Variants in NCAPD3 observed in about 807,000 individuals in gnomAD.
The protein encoded by NCAPD3 is condensin-2 complex subunit D3.
Under a neutral mutation model 182.9 loss-of-function variants are expected in NCAPD3, and 105 were observed. The ratio of observed to expected loss-of-function variants is 0.57; its 90% CI spans 0.49 to 0.68. NCAPD3 has a LOEUF of 0.68. Among genes scored for constraint, NCAPD3 ranks in the 30% least tolerant of loss-of-function variants. The pLI is 0.00. For synonymous variants in NCAPD3, 815 were observed against 679.9 expected (o/e 1.20, Z -3.09); for missense variants, 1,944 against 1,837.0 (o/e 1.06, Z -1.07).
intron 24 of NCAPD3, among the ~76,000 whole-genome samples, chr11:134,172,071 C>G (rs1944019386): frequency 6.6e-6 from 1 of 152,154 alleles, no homozygotes; most frequent in African/African-American, 2.4e-5. Context: ...TGTTCTGACA[C>G]TGGAAGACAG....
upstream of NCAPD3, chr11:134,225,055 C>CAAA: frequency 6.7e-7 from 1 of 1,482,856 alleles, no homozygotes; most frequent in Non-Finnish European, 9.1e-7. Context: ...GCCTTCTTTA[C>CAAA]CTAGGGCAGC....
chr11:134,167,784 G>T (rs911498999), intron 27 of NCAPD3, among the ~76,000 whole-genome samples: 2 of 142,942 alleles, frequency 1.4e-5, no homozygotes, highest in Admixed American at 6.9e-5. Context: ...ATGAGCTTGG[G>T]GGAGGTGCAC....
At chr11:134,166,714 G>A (rs1227612698) in intron 27 of NCAPD3, among the ~76,000 whole-genome samples, 1 of 125,018 alleles carries the variant, frequency 8.0e-6, no homozygotes, top group Non-Finnish European at 1.7e-5. Context: ...AGCTTAGGGA[G>A]AGCAGCACAC....
intron 27 of NCAPD3, among the ~76,000 whole-genome samples, chr11:134,165,946 TGA>T (rs1943775654): frequency 9.6e-6 from 1 of 104,140 alleles, no homozygotes; most frequent in Non-Finnish European, 1.9e-5. Flanking sequence ...CACTCACTTG[TGA>T]GATGAGCTTG....
intron 32 of NCAPD3, 145 bp from the exon 33 acceptor site, chr11:134,153,508 C>T (rs971451833): frequency 2.5e-6 from 2 of 801,294 alleles, no homozygotes; most frequent in Non-Finnish European, 4.3e-6. Flanking sequence ...TGTCCCAGGG[C>T]CTGGCAGTGT....
At chr11:134,189,418 C>T (rs745984978) in intron 16 of NCAPD3, among the ~76,000 whole-genome samples, 3 of 152,140 alleles carry the variant, frequency 2.0e-5, no homozygotes, top group African/African-American at 2.4e-5. Flanking sequence ...ACACATTTAA[C>T]GTTACACATT....
At chr11:134,212,568 T>G (rs1937878378) in intron 3 of NCAPD3, among the ~76,000 whole-genome samples, 1 of 152,116 alleles carries the variant, frequency 6.6e-6, no homozygotes, top group Non-Finnish European at 1.5e-5. Flanking sequence ...TTTGTTTTCT[T>G]TTTTGGTAGA....
intron 27 of NCAPD3, among the ~76,000 whole-genome samples, chr11:134,164,175 G>A (rs1943684273): frequency 1.3e-5 from 2 of 152,168 alleles, no homozygotes; most frequent in South Asian, 2.1e-4. Flanking sequence ...GCCTGTGGCA[G>A]CCAAGCTCTG....
intron 20 of NCAPD3, among the ~76,000 whole-genome samples, chr11:134,179,588 GCT>G (rs1944250231): frequency 2.0e-5 from 3 of 152,144 alleles, no homozygotes; most frequent in African/African-American, 4.8e-5. Context: ...CTTAGATACT[GCT>G]CTCTTTCCTC....
At chr11:134,203,310 T>C in intron 11 of NCAPD3, 112 bp from the exon 12 acceptor site, 1 of 826,202 alleles carries the variant, frequency 1.2e-6, no homozygotes, top group Non-Finnish European at 2.0e-6. Context: ...GCAGACAGAT[T>C]CTAAATTGCT....
At chr11:134,198,720 A>C (rs774739762) in intron 13 of NCAPD3, among the ~76,000 whole-genome samples, 2 of 152,228 alleles carry the variant, frequency 1.3e-5, no homozygotes, top group Non-Finnish European at 2.9e-5. Flanking sequence ...AGGAATCCAC[A>C]AAACAATCAT....
intron 23 of NCAPD3, among the ~76,000 whole-genome samples, chr11:134,176,804 G>A (rs1210308721): frequency 2.6e-5 from 4 of 152,126 alleles, no homozygotes; most frequent in Admixed American, 6.5e-5. Flanking sequence ...TTCCGCACAC[G>A]GAAACGTCCC....
At position 134,214,384 on chromosome 11, in the gene NCAPD3, T is replaced by A. The variant is rs188119817; in HGVS notation, c.382+2552A>T. Among the ~76,000 whole-genome samples the A allele has an allele frequency of 3.9e-4, 59 of 152,260 alleles. 2 individuals carry two copies. Among genetic ancestry groups the A allele is most frequent in the Admixed American group, 3.8e-3 (58 of 15,300 alleles). On this transcript the variant is annotated intron_variant, in intron 3 of 34. Transcript: ENST00000534548. ...CCTGCACAACAGTAAAAACATATCA[T>A]CGAAATTTGTGGGATGCAGATGAAG...
Position 134,192,565 on chromosome 11 carries a change from T to G in NCAPD3, c.2045+124A>C, listed in dbSNP as rs573411554. The G allele has an allele frequency of 1.4e-5, 11 of 784,946 alleles. No homozygotes were observed. The African/African-American group carries it at 1.9e-4, about 14-fold the overall frequency. The allele number at this position is 784,946 out of a possible 1,614,324, so 48.6% of individuals were successfully genotyped here. On this transcript the variant is annotated intron_variant, in intron 16 of 34. Transcript: ENST00000534548. ...CAGTCAGGGAAAGAGAGACCAATAC[T>G]TAATCTTCACATACACTAAGTAATC...
At chr11:134,216,849 A>C (rs1010364546) in intron 3 of NCAPD3, 87 bp downstream of exon 3, 15 of 1,374,296 alleles carry the variant, frequency 1.1e-5, no homozygotes, top group African/African-American at 1.5e-5. Flanking sequence ...TTATAAGTGA[A>C]GAAACAAGAA....
At chr11:134,169,659 C>T (rs995943145) in intron 24 of NCAPD3, among the ~76,000 whole-genome samples, 13 of 152,220 alleles carry the variant, frequency 8.5e-5, no homozygotes, top group African/African-American at 3.1e-4. Flanking sequence ...CTCAACATAT[C>T]TGTGCAATGC....
chr11:134,190,717 T>G (rs1356925903), intron 16 of NCAPD3, among the ~76,000 whole-genome samples: 2 of 152,190 alleles, frequency 1.3e-5, no homozygotes, highest in Non-Finnish European at 2.9e-5. Context: ...TCTTAAGCAG[T>G]TCTCCTGCCT....
chr11:134,154,459 C>G (rs1565513477), intron 32 of NCAPD3, among the ~76,000 whole-genome samples: 1 of 150,818 alleles, frequency 6.6e-6, no homozygotes, highest in Non-Finnish European at 1.5e-5. Context: ...GCCCTGTCTG[C>G]ACATTATGCT....
chr11:134,205,950 T>C (rs991777953), intron 8 of NCAPD3, among the ~76,000 whole-genome samples: 4 of 152,054 alleles, frequency 2.6e-5, no homozygotes, highest in Non-Finnish European at 5.9e-5. Context: ...CACTTGCACA[T>C]GCACACCATG....
Sources: allele counts gnomAD v4.1 joint callset (sites outside exome capture counted in the v4.1 genomes callset), GRCh38; gene constraint gnomAD v4.1.1; transcripts MANE v1.5; gene names NCBI Gene and HGNC (gene_info 2026-07-23, HGNC 2026-07-21).